The following NUP205 variants were observed in gnomAD, a reference collection of about 807,000 sequenced individuals.
NUP205 encodes nuclear pore complex protein Nup205.
NUP205 carries 76 observed loss-of-function variants against 253.8 expected under a neutral mutation model. That is an observed-to-expected ratio of 0.30 (90% CI 0.25 to 0.36). The LOEUF is 0.36. Ranked by LOEUF, NUP205 falls within the 10% of genes least tolerant of loss-of-function variation. The pLI, the probability that NUP205 is intolerant of heterozygous loss-of-function variation, is 1.00. For missense variants in NUP205, 2,162 were observed against 2,425.5 expected, an observed-to-expected ratio of 0.89 and a Z score of 2.28; for synonymous variants, 832 against 850.1, an observed-to-expected ratio of 0.98 and a Z score of 0.37.
At position 135,606,779 on chromosome 7, in the gene NUP205, A is replaced by C. The variant is rs1257842297; in HGVS notation, c.2934A>C (p.Ala978=). The C allele has an allele frequency of 6.2e-7, 1 of 1,613,888 alleles. No individual in the cohort carries two copies. Among genetic ancestry groups the C allele is most frequent in the Non-Finnish European group, 8.5e-7 (1 of 1,179,842 alleles). Residue 978 remains alanine, a synonymous_variant, in exon 21 of 43, where the codon GCA becomes GCC. Coordinates refer to ENST00000285968, the MANE Select transcript of NUP205 (RefSeq NM_015135.3). The part of the protein sequence containing the change: ...EGSELEKKLV[A]IRHETRIHIL... ...CAGAACTTGAAAAGAAATTAGTTGC[A>C]ATTCGTCATGAAACAAGAATCCACA...
intron 17 of NUP205, 92 bp from the exon 18 acceptor site, chr7:135,602,713 C>G: frequency 2.8e-6 from 3 of 1,052,898 alleles, no homozygotes; most frequent in Non-Finnish European, 2.8e-6. Context: ...ATCTGAAAAT[C>G]TAAAACTTGT....
In NUP205 at chr7:135,648,526, C is replaced by A; in HGVS notation, c.6009C>A (p.Ile2003=). ...TCATACAGGCTCTTGTCAGACGTAT[C>A]CGTGGCCTCTTGAGGATATCAAGGA... ...YSFIQALVRR[I]RGLLRISRN The change falls in exon 43 of 43, where the codon ATC becomes ATA. Residue 2003 remains isoleucine (I), a synonymous_variant. Coordinates refer to ENST00000285968, the MANE Select transcript of NUP205 (RefSeq NM_015135.3). 2 of 1,593,178 alleles carry A rather than the reference C, an allele frequency of 1.3e-6. No homozygotes were observed. Among genetic ancestry groups the A allele is most frequent in the Non-Finnish European group, 1.7e-6 (2 of 1,172,608 alleles).
chr7:135,610,223 C>T (rs79584608), intron 22 of NUP205, among the ~76,000 whole-genome samples: 5,198 of 152,244 alleles, frequency 0.034, 118 homozygotes, highest in Middle Eastern at 0.1. Flanking sequence ...TCTCTGTTGT[C>T]GTTGTTACTG....
intron 7 of NUP205, among the ~76,000 whole-genome samples, chr7:135,579,595 AAAACAG>A (rs1421937153): frequency 6.6e-6 from 1 of 152,262 alleles, no homozygotes; most frequent in East Asian, 1.9e-4. Context: ...TGTCAAATTA[AAAACAG>A]TTATTTTTCC....
intron 39 of NUP205, 65 bp from the exon 40 acceptor site, chr7:135,644,830 G>A: frequency 6.7e-7 from 1 of 1,487,130 alleles, no homozygotes; most frequent in South Asian, 1.2e-5. Context: ...CCTGCTGATA[G>A]TAGTTTTTCA....
chr7:135,619,363 T>G, intron 28 of NUP205, 60 bp from the exon 29 acceptor site: 1 of 1,526,382 alleles, frequency 6.6e-7, no homozygotes, highest in Non-Finnish European at 8.9e-7. Flanking sequence ...AGCTATGAAA[T>G]TTGTTAATGA....
rs1300623281 is a variant in NUP205, at chr7:135,606,899, A to G, written c.3054A>G (p.Thr1018=). 1 of 1,614,046 alleles carries G rather than the reference A, an allele frequency of 6.2e-7. No homozygotes were observed. Among genetic ancestry groups the G allele is most frequent in the Admixed American group, 1.7e-5 (1 of 60,010 alleles). The change falls in exon 21 of 43, where the codon ACA becomes ACG. Residue 1018 remains threonine (T), a synonymous_variant. Transcript: ENST00000285968. ...GFELKKPVST[T]NLQDPGVLGC... is the part of the protein sequence containing the mutation. ...AATTGAAAAAACCTGTCAGTACTACAAACCTACAAGATCCAGGTATAGCCT... is the reference window on the plus strand; with the variant it reads ...AATTGAAAAAACCTGTCAGTACTACGAACCTACAAGATCCAGGTATAGCCT...
In NUP205 at chr7:135,571,090, T is replaced by A; in HGVS notation, c.29-15T>A. 2 of 1,538,970 alleles carry A rather than the reference T, an allele frequency of 1.3e-6. No homozygotes were observed. The highest frequency in any genetic ancestry group is 1.8e-6 in the Non-Finnish European group (2 of 1,142,150). On this transcript the variant is annotated splice_polypyrimidine_tract_variant and intron_variant, in intron 1 of 42. Coordinates refer to ENST00000285968, the MANE Select transcript of NUP205 (RefSeq NM_015135.3). The stretch of plus-strand genomic sequence containing the variant: ...TGTTTTCTTTGACGGTGGTTTCATT[T>A]ATTTTTTCTTTAAGCTGCTAGTCTA...
At chr7:135,584,106 G>A (rs1584650483) in intron 7 of NUP205, among the ~76,000 whole-genome samples, 2 of 151,884 alleles carry the variant, frequency 1.3e-5, no homozygotes, top group Non-Finnish European at 2.9e-5. Flanking sequence ...CACCCTGCCC[G>A]GCCTTGTTTC....
At position 135,634,472 on chromosome 7, in the gene NUP205, C is replaced by G. The variant is rs745562184; in HGVS notation, c.5060-1109C>G. On this transcript the variant is annotated intron_variant, in intron 35 of 42. Transcript: ENST00000285968. ...TTCATGATAGCGTTAGGTGCAAAAT[C>G]AAGGTTTCAAGGAGTTCAGATGGGA... 1.2e-4 allele frequency among the ~76,000 whole-genome samples: 18 copies of G among 152,060 alleles called. 1 individual carries two copies. The highest frequency in any genetic ancestry group is 9.8e-4 in the Admixed American group (15 of 15,264).
intron 35 of NUP205, chr7:135,635,363 G>T (rs1451769658): frequency 3.5e-5 from 12 of 339,454 alleles, no homozygotes; most frequent in Non-Finnish European, 5.8e-5. Flanking sequence ...ATTTCACTCT[G>T]CATTTTAGAT....
At position 135,591,615 on chromosome 7, in the gene NUP205, G is replaced by C; in HGVS notation, c.1624+15G>C. The C allele has an allele frequency of 6.2e-7, 1 of 1,605,408 alleles. No homozygotes were observed. Among genetic ancestry groups the C allele is most frequent in the South Asian group, 1.1e-5 (1 of 88,954 alleles). The stretch of plus-strand genomic sequence containing the variant: ...TAGTAGTCATGGTAAGGAATATGTG[G>C]ATGTTGTTAAAGTTTGTTGTTATAC... On this transcript the variant is annotated intron_variant, in intron 11 of 42. Coordinates refer to ENST00000285968, the MANE Select transcript of NUP205 (RefSeq NM_015135.3).
At chr7:135,577,334 A>G (rs560871746) in intron 5 of NUP205, among the ~76,000 whole-genome samples, 2 of 152,292 alleles carry the variant, frequency 1.3e-5, no homozygotes, top group African/African-American at 4.8e-5. Flanking sequence ...TTTGATACAT[A>G]TGTATGATAT....
intron 22 of NUP205, among the ~76,000 whole-genome samples, chr7:135,612,463 C>A (rs1194502896): frequency 9.2e-5 from 14 of 152,150 alleles, no homozygotes; most frequent in Non-Finnish European, 1.5e-5. Flanking sequence ...ATATCACAGC[C>A]TTTTTGCACT....
rs1173939515 is a variant in NUP205 at position 135,597,970 on chromosome 7, C to G, written c.2065-28C>G. On this transcript the variant is annotated intron_variant, in intron 14 of 42. Transcript: ENST00000285968. ...ACTTCATAGCTAATAGTTTTTATTA[C>G]CAAGTTTTCTTTCTTTTTCTTTGGA... 4 of 1,574,946 alleles carry G rather than the reference C, an allele frequency of 2.5e-6. No individual in the cohort carries two copies. The African/African-American group carries it at 4.1e-5, about 16-fold the overall frequency.
At chr7:135,603,524 T>C (rs1794010778) in intron 18 of NUP205, among the ~76,000 whole-genome samples, 2 of 152,040 alleles carry the variant, frequency 1.3e-5, no homozygotes, top group South Asian at 2.1e-4. Context: ...TTTTTTGTCT[T>C]TTTGAGACAA....
intron 2 of NUP205, 69 bp downstream of exon 2, chr7:135,571,316 C>A: frequency 1.9e-6 from 2 of 1,053,720 alleles, no homozygotes; most frequent in Non-Finnish European, 2.5e-6. Flanking sequence ...GAAGTAAACT[C>A]TTTTCTTTTT....
rs1225368291 is a variant in NUP205 at position 135,635,622 on chromosome 7, C to G, written c.5101C>G (p.Leu1701Val). The G allele has an allele frequency of 7.5e-6, 12 of 1,595,000 alleles. No individual in the cohort carries two copies. The highest frequency in any genetic ancestry group is 8.6e-6 in the Non-Finnish European group (10 of 1,164,946). The change falls in exon 36 of 43, where the codon CTA becomes GTA. Residue 1701 changes from leucine (L) to valine (V), a missense_variant. Physicochemically the swap from Leu to Val is conservative, Grantham distance 32 (BLOSUM62 1). Around this residue, in one of 5 missense-constraint regions of NUP205, gnomAD observed 1,144 missense variants for 1,280.9 expected, o/e 0.89. Transcript: ENST00000285968. ...ELDVDVNEGS[L>V]MELQGHIGRF... ...TGACGTTGATGTAAATGAAGGGTCT[C>G]TAATGGAGCTACAGGGACATATTGG...
At chr7:135,602,543 T>C (rs55829177) in intron 17 of NUP205, among the ~76,000 whole-genome samples, 5,168 of 152,294 alleles carry the variant, frequency 0.034, 118 homozygotes, top group Middle Eastern at 0.1. Context: ...AAAGAAGTGA[T>C]TTGAGAATCC....
Sources: gnomAD v4.1 joint callset for allele counts (sites outside exome capture counted in the v4.1 genomes callset) on GRCh38, gnomAD v4.1.1 for gene constraint, gnomAD v4.1.1 regional missense constraint, MANE v1.5 for transcripts, NCBI Gene and HGNC (gene_info 2026-07-23, HGNC 2026-07-21) for gene names.